The following DLGAP4 variants were observed in gnomAD, a reference collection of about 807,000 sequenced individuals.
The protein encoded by DLGAP4 is disks large-associated protein 4.
Under a neutral mutation model 86.9 loss-of-function variants are expected in DLGAP4, and 18 were observed. The observed-to-expected ratio is 0.21, with a 90% CI of 0.14 to 0.31. The LOEUF is 0.31. Ranked by LOEUF, DLGAP4 falls within the 10% of genes least tolerant of loss-of-function variation. The probability of loss-of-function intolerance (pLI) is 1.00; values close to 1 mark genes in which losing one functional copy is unlikely to be tolerated. For missense variants in DLGAP4, 1,085 were observed against 1,362.6 expected (o/e 0.80, Z 3.21); for synonymous variants, 548 against 574.3 (o/e 0.95, Z 0.65).
intron 7 of DLGAP4, among the ~76,000 whole-genome samples, chr20:36,459,779 G>T (rs1045383571): frequency 6.6e-6 from 1 of 152,134 alleles, no homozygotes; most frequent in Non-Finnish European, 1.5e-5. Flanking sequence ...GGCTAATTTT[G>T]TATTTTTAGT....
At chr20:36,419,366 A>T (rs1348140486) in intron 2 of DLGAP4, among the ~76,000 whole-genome samples, 7 of 152,054 alleles carry the variant, frequency 4.6e-5, no homozygotes, top group African/African-American at 7.2e-5. Flanking sequence ...CCTGGCCTCA[A>T]GTGATCTTCC....
chr20:36,387,913 TC>T (rs2031654767), intron 2 of DLGAP4, among the ~76,000 whole-genome samples: 1 of 152,198 alleles, frequency 6.6e-6, no homozygotes, highest in African/African-American at 2.4e-5. Flanking sequence ...TCATCATTTT[TC>T]AACAGGGACA....
intron 2 of DLGAP4, among the ~76,000 whole-genome samples, chr20:36,387,792 A>G (rs950343866): frequency 1.1e-4 from 16 of 152,138 alleles, no homozygotes; most frequent in Admixed American, 2.6e-4. Context: ...TCTCTGTTTT[A>G]TGTTTAAGCG....
chr20:36,326,038 G>A (rs1555890988), intron 1 of DLGAP4, among the ~76,000 whole-genome samples: 1 of 152,070 alleles, frequency 6.6e-6, no homozygotes. Context: ...TTTTTCTGAT[G>A]TTAATGTAGC....
intron 7 of DLGAP4, among the ~76,000 whole-genome samples, chr20:36,486,883 A>G (rs571372702): frequency 6.6e-6 from 1 of 152,222 alleles, no homozygotes; most frequent in East Asian, 1.9e-4. Context: ...TAGTGCTGAG[A>G]TAACAGGTGT....
chr20:36,465,359 G>GT (rs1450116808), intron 7 of DLGAP4: 2 of 152,206 alleles, frequency 1.3e-5, no homozygotes, highest in Non-Finnish European at 2.9e-5. Context: ...AGTTCTCCCT[G>GT]TTTCACAGGT....
rs1166192475 is a variant in DLGAP4, at chr20:36,350,502, G to A, written c.-303-16543G>A. 2.6e-5 allele frequency among the ~76,000 whole-genome samples: 4 copies of A among 152,222 alleles called. No individual in the cohort carries two copies. The highest frequency in any genetic ancestry group is 2.0e-4 in the Admixed American group (3 of 15,286). On this transcript the variant is annotated intron_variant, in intron 1 of 12. Transcript: ENST00000339266. The surrounding 1 kb of genome is among the most constrained non-coding windows in gnomAD (Gnocchi z 4.4). Reference sequence around the variant, plus strand: ...CAATTTGCAGGTGCTTAATGAAAATGCATGCCTCACTTCCCTGGACTGTGA... The same window carrying A: ...CAATTTGCAGGTGCTTAATGAAAATACATGCCTCACTTCCCTGGACTGTGA...
chr20:36,428,356 G>A (rs1161852858), intron 2 of DLGAP4, among the ~76,000 whole-genome samples: 1 of 152,240 alleles, frequency 6.6e-6, no homozygotes, highest in Non-Finnish European at 1.5e-5. Flanking sequence ...CTCAGATCTA[G>A]GGGAAGATGG....
At chr20:36,359,694 A>C (rs1555894078) in intron 1 of DLGAP4, among the ~76,000 whole-genome samples, 1 of 152,194 alleles carries the variant, frequency 6.6e-6, no homozygotes. Context: ...TACTGCGTGC[A>C]AGGACCTGCT....
At chr20:36,512,906 T>TCAGATCA (rs1338828332) in intron 10 of DLGAP4, among the ~76,000 whole-genome samples, 1 of 130,918 alleles carries the variant, frequency 7.6e-6, no homozygotes, top group Non-Finnish European at 1.6e-5. Context: ...TGGGGGCATC[T>TCAGATCA]CAGATCACAG....
At chr20:36,403,887 C>T (rs564007495) in intron 2 of DLGAP4, among the ~76,000 whole-genome samples, 6 of 152,316 alleles carry the variant, frequency 3.9e-5, no homozygotes, top group South Asian at 2.1e-4. Context: ...CAGGAGGCCA[C>T]GTGGACCACT....
intron 2 of DLGAP4, among the ~76,000 whole-genome samples, chr20:36,379,737 C>T (rs1403536122): frequency 6.6e-6 from 1 of 152,232 alleles, no homozygotes. Context: ...TCCAGATCTG[C>T]TTCCTTGCTC....
In DLGAP4 at chr20:36,486,480, G is replaced by A. The variant is rs76101542; in HGVS notation, c.1649-10225G>A. The stretch of plus-strand genomic sequence containing the variant: ...GGCATGGCAGGTCCAAAGGCCCCAC[G>A]TGGGAACATGCTTGGAGCATTTGAG... On this transcript the variant is annotated intron_variant, in intron 7 of 12. Coordinates refer to ENST00000339266, the MANE Select transcript of DLGAP4 (RefSeq NM_001365621.2). Among the ~76,000 whole-genome samples, 734 of 151,976 alleles carry A rather than the reference G, an allele frequency of 4.8e-3. 6 individuals carry two copies. The highest frequency in any genetic ancestry group is 0.017 in the African/African-American group (703 of 41,446).
Position 36,436,267 on chromosome 20 carries a change from G to C in DLGAP4, c.1158G>C (p.Lys386Asn), listed in dbSNP as rs201583376. ...GCGACGAGTCCGGCGGCAGCCCCAA[G>C]CCCTCACCCAAGACCGCGGCGCGGC... ...EDSDESGGSP[K>N]PSPKTAARRQ... Residue 386 changes from lysine (K) to asparagine (N), a missense_variant, in exon 4 of 13, where the codon AAG (lysine) becomes AAC (asparagine). This residue lies in a region of DLGAP4 where 1,082 missense variants were observed against 1,344.1 expected (regional missense o/e 0.81). Transcript: ENST00000339266. 45 of 1,605,736 alleles carry C rather than the reference G, an allele frequency of 2.8e-5. No homozygotes were observed. Among genetic ancestry groups the C allele is most frequent in the Non-Finnish European group, 3.7e-5 (44 of 1,179,460 alleles).
At chr20:36,394,832 G>A (rs190604106) in intron 2 of DLGAP4, among the ~76,000 whole-genome samples, 2 of 152,268 alleles carry the variant, frequency 1.3e-5, no homozygotes, top group East Asian at 3.9e-4. Flanking sequence ...CCAGGTTCCA[G>A]CAGTGCTTGT....
chr20:36,525,216 C>CCAAAAAAAAAA (rs2037642657), intron 11 of DLGAP4, among the ~76,000 whole-genome samples: 1 of 28,472 alleles, frequency 3.5e-5, no homozygotes, highest in African/African-American at 1.0e-4. Context: ...GACTCCGTCT[C>CCAAAAAAAAAA]AAAAAAAAAA....
intron 7 of DLGAP4, chr20:36,461,413 G>C (rs1054817889): frequency 1.0e-6 from 1 of 964,090 alleles, no homozygotes; most frequent in East Asian, 1.2e-4. Flanking sequence ...GACGCGGGGG[G>C]CGGGGAGGGG....
chr20:36,334,712 T>C (rs370756734), intron 1 of DLGAP4, among the ~76,000 whole-genome samples: 2 of 152,108 alleles, frequency 1.3e-5, no homozygotes, highest in African/African-American at 4.8e-5. Flanking sequence ...GGCTGAGCCC[T>C]GGAGGTGAGG....
At chr20:36,444,032 C>T (rs918322312) in intron 6 of DLGAP4, among the ~76,000 whole-genome samples, 2 of 152,192 alleles carry the variant, frequency 1.3e-5, no homozygotes, top group African/African-American at 4.8e-5. Context: ...GTTCCAGAGC[C>T]ATGTGGTTCC....
Sources: gnomAD v4.1 joint callset for allele counts (sites outside exome capture counted in the v4.1 genomes callset) on GRCh38, gnomAD v4.1.1 for gene constraint, gnomAD v4.1.1 regional missense constraint, Gnocchi (gnomAD v3.1) non-coding constraint, MANE v1.5 for transcripts, NCBI Gene and HGNC (gene_info 2026-07-23, HGNC 2026-07-21) for gene names.